The following SBF2 variants were observed in gnomAD, a reference collection of about 807,000 sequenced individuals.
SBF2 encodes the protein SET binding factor 2, also known as myotubularin-related protein 13.
SBF2 carries 112 observed loss-of-function variants against 225.2 expected under a neutral mutation model. That is an observed-to-expected ratio of 0.50 (90% CI 0.43 to 0.58). The LOEUF (loss-of-function observed/expected upper bound fraction) is 0.58. Among genes scored for constraint, SBF2 ranks in the 20% least tolerant of loss-of-function variants. The pLI is 0.00. For missense variants in SBF2, 1,996 were observed against 2,206.2 expected, an observed-to-expected ratio of 0.90 and a Z score of 1.91; for synonymous variants, 763 against 773.3, an observed-to-expected ratio of 0.99 and a Z score of 0.22.
chr11:10,178,082 A>G (rs1328534194), intron 2 of SBF2, among the ~76,000 whole-genome samples: 7 of 147,162 alleles, frequency 4.8e-5, no homozygotes, highest in African/African-American at 1.8e-4. Flanking sequence ...GAGAAAAACA[A>G]GCAATGGGGA....
In SBF2 at chr11:10,081,759, C is replaced by CAA. The variant is rs59208091; in HGVS notation, c.142-38780_142-38779dup. Among the ~76,000 whole-genome samples, 794 of 120,420 alleles carry CAA rather than the reference C, an allele frequency of 6.6e-3. 7 individuals are homozygous for CAA. The highest frequency in any genetic ancestry group is 0.015 in the African/African-American group (465 of 30,748). The allele number at this position is 120,420 out of a possible 152,430, so 79.0% of individuals were successfully genotyped here. ...TGACCCACAGAGCAAGACTCCACCT[C>CAA]AAAAAAAAAAAAAAAGAAAAAGAAA... On this transcript the variant is annotated intron_variant, in intron 2 of 39. Transcript: ENST00000256190.
chr11:10,077,255 C>T (rs571761603), intron 2 of SBF2, among the ~76,000 whole-genome samples: 1 of 152,222 alleles, frequency 6.6e-6, no homozygotes, highest in South Asian at 2.1e-4. Flanking sequence ...TCAATGCCAT[C>T]CCCATCAAGC....
At chr11:9,932,335 T>A (rs1864555143) in intron 16 of SBF2, among the ~76,000 whole-genome samples, 1 of 152,058 alleles carries the variant, frequency 6.6e-6, no homozygotes, top group African/African-American at 2.4e-5. Flanking sequence ...ATTGTCAGAT[T>A]CATCAAGGTT....
At chr11:10,181,327 C>G in intron 2 of SBF2, among the ~76,000 whole-genome samples, 1 of 152,068 alleles carries the variant, frequency 6.6e-6, no homozygotes, top group South Asian at 2.1e-4. Context: ...ATTTCAATTT[C>G]TAATTTTTTT....
intron 1 of SBF2, among the ~76,000 whole-genome samples, chr11:10,215,885 C>CTA (rs1431123623): frequency 6.6e-6 from 1 of 152,204 alleles, no homozygotes; most frequent in Admixed American, 6.5e-5. Flanking sequence ...AAATGCTCAT[C>CTA]TATGTCTTTA....
Position 9,839,691 on chromosome 11 carries a change from C to T in SBF2, c.3262G>A (p.Asp1088Asn). 1.9e-6 allele frequency: 3 copies of T among 1,611,996 alleles called. No individual in the cohort carries two copies. The highest frequency in any genetic ancestry group is 2.5e-6 in the Non-Finnish European group (3 of 1,179,070). Residue 1088 changes from aspartate to asparagine, a missense_variant, in exon 26 of 40, where the codon GAT becomes AAT. Physicochemically the swap from Asp to Asn is conservative, Grantham distance 23. Coordinates refer to ENST00000256190, the MANE Select transcript of SBF2 (RefSeq NM_030962.4). ...GTACTTGTGGGGAGCTCACTCTCAT[C>T]TGAAACTGTGATGGTAGAGACAGAT... Reference protein sequence around the residue: ...WNEDDDVSVSDESELPTSTTL... With the variant: ...WNEDDDVSVSNESELPTSTTL...
At chr11:10,212,405 G>T (rs571437030) in intron 1 of SBF2, among the ~76,000 whole-genome samples, 5 of 152,110 alleles carry the variant, frequency 3.3e-5, no homozygotes, top group Non-Finnish European at 5.9e-5. Flanking sequence ...TGAACAGTTA[G>T]GCTTGTAAAT....
In SBF2 at chr11:9,850,130, T is replaced by A. The variant is rs1342382213; in HGVS notation, c.2699A>T (p.Glu900Val). 3 of 1,613,970 alleles carry A rather than the reference T, an allele frequency of 1.9e-6. No individual in the cohort carries two copies. Among genetic ancestry groups the A allele is most frequent in the Non-Finnish European group, 2.5e-6 (3 of 1,180,008 alleles). The stretch of plus-strand genomic sequence containing the variant: ...GCCTCCAAGAAGACCTCCAGTAGCT[T>A]CTTCTCTTCCATCAGGATCCAGCAA... ...RVLLDPDGRE[E>V]ATGGLLGGPQ... The change falls in exon 22 of 40, where the codon GAA (glutamate) becomes GTA (valine). Residue 900 changes from glutamate (E) to valine (V), a missense_variant. Physicochemically the swap from Glu to Val is moderately radical, Grantham distance 121. Transcript: ENST00000256190.
At chr11:10,280,342 T>C (rs1258221982) in intron 1 of SBF2, among the ~76,000 whole-genome samples, 1 of 152,198 alleles carries the variant, frequency 6.6e-6, no homozygotes, top group Non-Finnish European at 1.5e-5. Flanking sequence ...TAAGGAACTT[T>C]ATTCCTATAC....
chr11:9,858,246 C>T lies in SBF2; in HGVS notation c.2080G>A (p.Ala694Thr), dbSNP rs761116602. ...CTTACCTTTTGCTTCAGATGCGGGG[C>T]ATGATTGTCTTCCTTGGCTGAGAGA... ...LYLSAKEDNHAPHLKQKDKLP... is the reference protein window; with the variant it reads ...LYLSAKEDNHTPHLKQKDKLP... Residue 694 changes from alanine (A) to threonine (T), a missense_variant, in exon 18 of 40, where the codon GCC (alanine) becomes ACC (threonine). Physicochemically the swap from Ala to Thr is moderately conservative, Grantham distance 58. Transcript: ENST00000256190. 3 of 1,614,156 alleles carry T rather than the reference C, an allele frequency of 1.9e-6. No homozygotes were observed. The highest frequency in any genetic ancestry group is 2.2e-5 in the South Asian group (2 of 91,088).
At chr11:9,921,977 A>G (rs577648421) in intron 16 of SBF2, among the ~76,000 whole-genome samples, 1 of 152,314 alleles carries the variant, frequency 6.6e-6, no homozygotes, top group East Asian at 1.9e-4. Flanking sequence ...TGGGCATGGT[A>G]GTTCATGTCT....
intron 2 of SBF2, among the ~76,000 whole-genome samples, chr11:10,083,323 A>C (rs1951437712): frequency 6.6e-6 from 1 of 152,200 alleles, no homozygotes; most frequent in Non-Finnish European, 1.5e-5. Flanking sequence ...CAGTCTACAG[A>C]TTCAATGCAA....
At chr11:9,786,658 G>A (rs1455018862) in intron 36 of SBF2, among the ~76,000 whole-genome samples, 2 of 152,172 alleles carry the variant, frequency 1.3e-5, no homozygotes. Context: ...TTTGGAGCCA[G>A]TCTGATGTGG....
chr11:10,196,514 G>A (rs1227262927), intron 1 of SBF2, among the ~76,000 whole-genome samples: 16 of 151,918 alleles, frequency 1.1e-4, no homozygotes, highest in Admixed American at 1.1e-3. Context: ...AAGTAGCTGG[G>A]ACTGCAGGTG....
chr11:9,883,280 T>C (rs1350886602), intron 17 of SBF2, among the ~76,000 whole-genome samples: 2 of 151,050 alleles, frequency 1.3e-5, no homozygotes, highest in Non-Finnish European at 3.0e-5. Context: ...CTACCATCTA[T>C]TGCTGTGTGG....
At chr11:9,999,844 ATT>A (rs1240899931) in intron 8 of SBF2, among the ~76,000 whole-genome samples, 1 of 152,230 alleles carries the variant, frequency 6.6e-6, no homozygotes, top group Non-Finnish European at 1.5e-5. Context: ...GTTAAATAAT[ATT>A]TTGTTAGTTT....
chr11:10,090,245 G>A (rs1011664542), intron 2 of SBF2, among the ~76,000 whole-genome samples: 2 of 152,018 alleles, frequency 1.3e-5, no homozygotes, highest in Non-Finnish European at 2.9e-5. Context: ...AAAGTTCTGG[G>A]GATGGATAGC....
intron 19 of SBF2, 125 bp from the exon 20 acceptor site, chr11:9,853,837 A>C: frequency 1.1e-6 from 1 of 884,904 alleles, no homozygotes; most frequent in Admixed American, 1.7e-5. Context: ...TAGAAGGCTC[A>C]CTTAACTCCA....
intron 25 of SBF2, among the ~76,000 whole-genome samples, 187 bp downstream of exon 25, chr11:9,842,438 A>G (rs1420263425): frequency 1.3e-5 from 2 of 152,210 alleles, no homozygotes; most frequent in Non-Finnish European, 2.9e-5. Flanking sequence ...ATTTAACAAA[A>G]TATTACCTGA....
Sources: gnomAD v4.1 joint callset for allele counts (sites outside exome capture counted in the v4.1 genomes callset) on GRCh38, gnomAD v4.1.1 for gene constraint, MANE v1.5 for transcripts, NCBI Gene and HGNC (gene_info 2026-07-23, HGNC 2026-07-21) for gene names.